The following MAGI2 variants were observed in gnomAD, a reference collection of about 807,000 sequenced individuals.
MAGI2 encodes membrane-associated guanylate kinase, WW and PDZ domain-containing protein 2.
In MAGI2, 35 loss-of-function variants were observed where a neutral mutation model predicts 133.3. The ratio of observed to expected loss-of-function variants is 0.26; its 90% CI spans 0.20 to 0.35. The LOEUF (loss-of-function observed/expected upper bound fraction) is 0.35, where lower values mean the gene tolerates loss of function less well. Ranked by LOEUF, MAGI2 falls within the 10% of genes least tolerant of loss-of-function variation. The pLI is 1.00. For missense variants in MAGI2, 1,636 were observed against 1,863.4 expected (o/e 0.88, Z 2.25); for synonymous variants, 729 against 710.6 (o/e 1.03, Z -0.41).
chr7:78,814,200 C>T (rs149621204), intron 2 of MAGI2, among the ~76,000 whole-genome samples: 37 of 152,256 alleles, frequency 2.4e-4, no homozygotes, highest in African/African-American at 8.4e-4. Flanking sequence ...ATGATCCCAC[C>T]TCCTGGAGTT....
At chr7:78,364,117 C>T (rs1022599668) in intron 7 of MAGI2, among the ~76,000 whole-genome samples, 1 of 152,162 alleles carries the variant, frequency 6.6e-6, no homozygotes, top group South Asian at 2.1e-4. Context: ...TGCAACTCTG[C>T]AGCCCATACT....
intron 10 of MAGI2, among the ~76,000 whole-genome samples, chr7:78,229,259 T>C (rs1200507655): frequency 2.0e-5 from 3 of 152,220 alleles, no homozygotes; most frequent in Non-Finnish European, 4.4e-5. Context: ...GATTTTCTTG[T>C]TTAGTCCTTG....
At chr7:78,020,815 AT>A (rs949626795) in intron 21 of MAGI2, among the ~76,000 whole-genome samples, 9 of 134,520 alleles carry the variant, frequency 6.7e-5, no homozygotes, top group South Asian at 2.5e-4. Context: ...TAAAACTATC[AT>A]TTTTTAAAAA....
At chr7:78,851,782 T>C (rs183978075) in intron 2 of MAGI2, among the ~76,000 whole-genome samples, 11 of 152,298 alleles carry the variant, frequency 7.2e-5, no homozygotes, top group Admixed American at 6.5e-5. Context: ...CATATGGTTA[T>C]AGAATCTGTT....
intron 10 of MAGI2, among the ~76,000 whole-genome samples, chr7:78,245,607 C>A (rs1041696591): frequency 6.6e-6 from 1 of 152,104 alleles, no homozygotes; most frequent in Non-Finnish European, 1.5e-5. Context: ...TGGAAGGAAA[C>A]CCCTGGCCTC....
chr7:78,785,462 GA>G lies in MAGI2; in HGVS notation c.419-158224del, dbSNP rs532932646. ...AAAGCTGTTAAAAGCTTTGTAAAAT[GA>G]ATTGTCAATTTTGCCATCATGTCAG... On this transcript the variant is annotated intron_variant, in intron 2 of 21. Transcript: ENST00000354212. Among the ~76,000 whole-genome samples, 354 of 152,294 alleles carry G rather than the reference GA, an allele frequency of 2.3e-3. 3 individuals carry two copies. The Middle Eastern group carries it at 0.024, about 10-fold the overall frequency.
At chr7:79,282,041 GAAGAA>G (rs1184695086) in intron 1 of MAGI2, among the ~76,000 whole-genome samples, 1 of 152,082 alleles carries the variant, frequency 6.6e-6, no homozygotes, top group Non-Finnish European at 1.5e-5. Flanking sequence ...AAATCTGTGT[GAAGAA>G]AAGGGATCAA....
intron 7 of MAGI2, among the ~76,000 whole-genome samples, chr7:78,352,264 T>C (rs1463546312): frequency 6.6e-6 from 1 of 152,196 alleles, no homozygotes; most frequent in Non-Finnish European, 1.5e-5. Context: ...AGAATTATGA[T>C]GCAAAACAAG....
At chr7:79,135,533 A>G (rs958744782) in intron 1 of MAGI2, among the ~76,000 whole-genome samples, 1 of 152,150 alleles carries the variant, frequency 6.6e-6, no homozygotes, top group East Asian at 1.9e-4. Context: ...TAGCTTTTAG[A>G]CTAAATGGTG....
At chr7:78,592,653 C>T (rs1000011058) in intron 3 of MAGI2, among the ~76,000 whole-genome samples, 1 of 151,970 alleles carries the variant, frequency 6.6e-6, no homozygotes. Flanking sequence ...AATGATATTA[C>T]AGCACTCTAT....
chr7:79,190,381 T>G lies in MAGI2; in HGVS notation c.302-183175A>C, dbSNP rs114295341. ...GTAATTTCCTAATGACATATGATGT[T>G]GAGCATCGTTTCATATGCTTATTTG... On this transcript the variant is annotated intron_variant, in intron 1 of 21. Transcript: ENST00000354212. Among the ~76,000 whole-genome samples the G allele has an allele frequency of 3.9e-3, 592 of 152,034 alleles. 16 individuals carry two copies. The highest frequency in any genetic ancestry group is 0.014 in the African/African-American group (568 of 41,450).
intron 2 of MAGI2, among the ~76,000 whole-genome samples, chr7:78,979,708 T>C (rs1377048498): frequency 1.3e-5 from 2 of 151,818 alleles, no homozygotes; most frequent in Non-Finnish European, 2.9e-5. Flanking sequence ...TGACCAGTGT[T>C]GGGTCTTGTG....
At chr7:78,193,353 C>G (rs568442624) in intron 12 of MAGI2, among the ~76,000 whole-genome samples, 1 of 152,296 alleles carries the variant, frequency 6.6e-6, no homozygotes, top group South Asian at 2.1e-4. Flanking sequence ...ATCCTATGCA[C>G]TTCCAACTTG....
At chr7:79,281,116 T>C (rs375061567) in intron 1 of MAGI2, among the ~76,000 whole-genome samples, 3 of 151,982 alleles carry the variant, frequency 2.0e-5, no homozygotes, top group Non-Finnish European at 2.9e-5. Context: ...TGAAAGAAGA[T>C]AACATGTACT....
At chr7:78,172,690 A>C (rs898856575) in intron 14 of MAGI2, among the ~76,000 whole-genome samples, 3 of 152,146 alleles carry the variant, frequency 2.0e-5, no homozygotes, top group Admixed American at 6.5e-5. Flanking sequence ...ACCATTTCGT[A>C]TATACAGAGG....
chr7:78,529,667 G>GTTTTTTTTTTTTT (rs1563128653), intron 3 of MAGI2, among the ~76,000 whole-genome samples: 11 of 56,318 alleles, frequency 2.0e-4, no homozygotes, highest in African/African-American at 6.5e-4. Context: ...TAAAGGAGAT[G>GTTTTTTTTTTTTT]GTTTTTTTTT....
At chr7:78,738,064 T>A (rs1428509302) in intron 2 of MAGI2, among the ~76,000 whole-genome samples, 5 of 27,552 alleles carry the variant, frequency 1.8e-4, no homozygotes, top group Non-Finnish European at 3.2e-4. Flanking sequence ...AGAAAAAAGC[T>A]TTGGTACCAT....
intron 6 of MAGI2, 84 bp downstream of exon 6, chr7:78,489,677 C>T: frequency 2.1e-6 from 2 of 954,802 alleles, no homozygotes; most frequent in South Asian, 1.4e-5. Context: ...TAGATTATTG[C>T]CTCTTCAGGT....
chr7:79,199,733 G>A (rs1168100069), intron 1 of MAGI2, among the ~76,000 whole-genome samples: 1 of 151,940 alleles, frequency 6.6e-6, no homozygotes, highest in East Asian at 1.9e-4. Context: ...CTTTCTAAAA[G>A]CCTCTAGGTG....
Sources: gnomAD v4.1 joint callset for allele counts (sites outside exome capture counted in the v4.1 genomes callset) on GRCh38, gnomAD v4.1.1 for gene constraint, MANE v1.5 for transcripts, NCBI Gene and HGNC (gene_info 2026-07-23, HGNC 2026-07-21) for gene names.